SPIRE1: variants seen among roughly 807,000 people sequenced by gnomAD.
The protein encoded by SPIRE1 is spire type actin nucleation factor 1.
SPIRE1 carries 40 observed loss-of-function variants against 94.1 expected under a neutral mutation model. The ratio of observed to expected loss-of-function variants is 0.43; its 90% confidence interval spans 0.33 to 0.55. The LOEUF (loss-of-function observed/expected upper bound fraction) is 0.55. Among genes scored for constraint, SPIRE1 ranks in the 20% least tolerant of loss-of-function variants. The pLI is 0.06. For missense variants in SPIRE1, 838 were observed against 975.2 expected (o/e 0.86, Z 1.87); for synonymous variants, 376 against 371.7 (o/e 1.01, Z -0.13).
At chr18:12,534,405 C>A (rs187229329) in intron 4 of SPIRE1, among the ~76,000 whole-genome samples, 1 of 152,022 alleles carries the variant, frequency 6.6e-6, no homozygotes, top group Non-Finnish European at 1.5e-5. Flanking sequence ...TTTTAGGTGT[C>A]GACTTGACTG....
At chr18:12,614,388 T>G (rs2037225980) in intron 2 of SPIRE1, among the ~76,000 whole-genome samples, 1 of 152,248 alleles carries the variant, frequency 6.6e-6, no homozygotes, top group Non-Finnish European at 1.5e-5. Flanking sequence ...CCTGTATTTT[T>G]ACCAGACAGT....
rs145911252 is a variant in SPIRE1 at position 12,643,831 on chromosome 18, T to C, written c.338-8735A>G. On this transcript the variant is annotated intron_variant, in intron 1 of 16. Transcript: ENST00000409402. The stretch of plus-strand genomic sequence containing the variant: ...ATGAGTTTTGTAAGTTACACATTTT[T>C]ATTATACTTATGAATACAGTACTAT... Among the ~76,000 whole-genome samples the C allele has an allele frequency of 2.4e-3, 370 of 152,244 alleles. 3 individuals carry two copies. Among genetic ancestry groups the C allele is most frequent in the South Asian group, 0.014 (68 of 4,822 alleles).
rs558787616 is a variant in SPIRE1, at chr18:12,559,250, G to A, written c.373-12346C>T. ...CCCTGCCCCGCAGGGAGGCAGCTGAGGCCTAGTGAGAATTCGAGCACAGTG... is the reference window on the plus strand; with the variant it reads ...CCCTGCCCCGCAGGGAGGCAGCTGAAGCCTAGTGAGAATTCGAGCACAGTG... On this transcript the variant is annotated intron_variant, in intron 2 of 16. Transcript: ENST00000409402. This position sits in a 1 kb window ranked among gnomAD's most constrained non-coding sequence, Gnocchi z 4.7. Among the ~76,000 whole-genome samples the A allele has an allele frequency of 6.6e-6, 1 of 152,304 alleles. No homozygotes were observed. The highest frequency in any genetic ancestry group is 2.1e-4 in the South Asian group (1 of 4,830).
intron 2 of SPIRE1, among the ~76,000 whole-genome samples, chr18:12,562,233 C>T (rs905693372): frequency 6.6e-6 from 1 of 152,060 alleles, no homozygotes; most frequent in African/African-American, 2.4e-5. Context: ...TGCTATGGAC[C>T]TCTTTAGTAT....
intron 2 of SPIRE1, among the ~76,000 whole-genome samples, chr18:12,607,195 C>G (rs2037002469): frequency 6.6e-6 from 1 of 152,154 alleles, no homozygotes; most frequent in Non-Finnish European, 1.5e-5. Flanking sequence ...CCAATATTCA[C>G]AGAAAGACTT....
chr18:12,563,985 A>G (rs747905944), intron 2 of SPIRE1, among the ~76,000 whole-genome samples: 4 of 152,226 alleles, frequency 2.6e-5, no homozygotes, highest in Non-Finnish European at 5.9e-5. Context: ...TATGTTTTAC[A>G]TATCTTCAGT....
intron 4 of SPIRE1, 114 bp downstream of exon 4, chr18:12,535,362 A>G (rs2034804079): frequency 8.7e-7 from 1 of 1,144,794 alleles, no homozygotes; most frequent in South Asian, 1.5e-5. Context: ...GATAGTAATA[A>G]ATCTTTTAAA....
At chr18:12,514,950 A>T (rs1010168529) in intron 4 of SPIRE1, among the ~76,000 whole-genome samples, 1 of 152,190 alleles carries the variant, frequency 6.6e-6, no homozygotes. Flanking sequence ...CTGGTTTGGA[A>T]CCTTAGCGCC....
intron 10 of SPIRE1, among the ~76,000 whole-genome samples, chr18:12,467,715 G>A (rs907000691): frequency 1.3e-5 from 2 of 152,342 alleles, no homozygotes; most frequent in South Asian, 4.1e-4. Flanking sequence ...ACTTTGGGAG[G>A]CTGAGGTGGG....
intron 11 of SPIRE1, 80 bp downstream of exon 11, chr18:12,464,788 G>A (rs771393514): frequency 2.6e-5 from 30 of 1,138,462 alleles, no homozygotes; most frequent in Non-Finnish European, 3.2e-5. Flanking sequence ...ATCACAGGGC[G>A]CTCTGGGATC....
chr18:12,487,786 T>G (rs1171318548), intron 8 of SPIRE1, among the ~76,000 whole-genome samples: 1 of 152,228 alleles, frequency 6.6e-6, no homozygotes, highest in Non-Finnish European at 1.5e-5. Flanking sequence ...TTGTATACTT[T>G]AAATGAGTGA....
intron 1 of SPIRE1, among the ~76,000 whole-genome samples, chr18:12,650,484 G>A (rs1460792234): frequency 6.6e-6 from 1 of 152,058 alleles, no homozygotes; most frequent in African/African-American, 2.4e-5. Context: ...GCCGAGGTGG[G>A]TGGATCATGA....
chr18:12,502,339 A>C (rs779849295), intron 6 of SPIRE1, among the ~76,000 whole-genome samples: 11 of 152,234 alleles, frequency 7.2e-5, no homozygotes, highest in Non-Finnish European at 1.5e-4. Flanking sequence ...AATCAAATAG[A>C]AATGTTAATT....
chr18:12,479,148 T>C (rs963095841), intron 10 of SPIRE1, among the ~76,000 whole-genome samples: 1 of 150,486 alleles, frequency 6.6e-6, no homozygotes, highest in Admixed American at 6.7e-5. Flanking sequence ...TGTGTGTGTA[T>C]ACATATATGT....
chr18:12,454,234 A>G, intron 13 of SPIRE1, 112 bp downstream of exon 13: 3 of 1,260,504 alleles, frequency 2.4e-6, no homozygotes, highest in Non-Finnish European at 1.1e-6. Context: ...CACACATCCC[A>G]AATCCCCTCA....
At chr18:12,475,061 C>A (rs1012112836) in intron 10 of SPIRE1, among the ~76,000 whole-genome samples, 1 of 152,144 alleles carries the variant, frequency 6.6e-6, no homozygotes, top group Non-Finnish European at 1.5e-5. Context: ...TCACTAGATG[C>A]CAGACATGCA....
At chr18:12,507,209 G>T (rs1338301439) in intron 5 of SPIRE1, among the ~76,000 whole-genome samples, 1 of 152,146 alleles carries the variant, frequency 6.6e-6, no homozygotes, top group Non-Finnish European at 1.5e-5. Flanking sequence ...GCTTTATGCG[G>T]CTGTGATTTT....
intron 2 of SPIRE1, among the ~76,000 whole-genome samples, chr18:12,595,097 G>C (rs978393204): frequency 6.6e-6 from 1 of 152,138 alleles, no homozygotes; most frequent in African/African-American, 2.4e-5. Context: ...GGGCAAAAGA[G>C]TGAGACCCTG....
intron 4 of SPIRE1, among the ~76,000 whole-genome samples, chr18:12,531,587 T>A (rs1208703149): frequency 6.6e-6 from 1 of 152,144 alleles, no homozygotes; most frequent in Non-Finnish European, 1.5e-5. Context: ...GAATCTCTAA[T>A]CTCTCTAAGC....
Sources: allele counts gnomAD v4.1 joint callset (sites outside exome capture counted in the v4.1 genomes callset), GRCh38; gene constraint gnomAD v4.1.1; non-coding constraint Gnocchi (gnomAD v3.1); transcripts MANE v1.5; gene names NCBI Gene and HGNC (gene_info 2026-07-23, HGNC 2026-07-21).